DPP10: variants seen among roughly 807,000 people sequenced by gnomAD.
The protein encoded by DPP10 is inactive dipeptidyl peptidase 10.
Under a neutral mutation model 120.9 loss-of-function variants are expected in DPP10, and 33 were observed. The observed-to-expected ratio is 0.27, with a 90% CI of 0.21 to 0.37. DPP10 has a LOEUF of 0.37. Among genes scored for constraint, DPP10 ranks in the 10% least tolerant of loss-of-function variants. The pLI, the probability that DPP10 is intolerant of heterozygous loss-of-function variation, is 1.00. For synonymous variants in DPP10, 337 were observed against 326.1 expected (o/e 1.03, Z -0.36); for missense variants, 816 against 942.8 (o/e 0.87, Z 1.76).
At chr2:114,528,540 T>G (rs1177072712) in intron 1 of DPP10, among the ~76,000 whole-genome samples, 5 of 151,946 alleles carry the variant, frequency 3.3e-5, no homozygotes. Flanking sequence ...CTGGGACTCC[T>G]ATAACTGATG....
At chr2:115,820,799 A>ATATGTGTGTGTG (rs1553517950) in intron 21 of DPP10, among the ~76,000 whole-genome samples, 1 of 105,554 alleles carries the variant, frequency 9.5e-6, no homozygotes, top group Admixed American at 8.4e-5. Flanking sequence ...TCCATGGTGT[A>ATATGTGTGTGTG]TGTGTGTGTG....
chr2:114,538,926 C>T (rs1418047591), intron 1 of DPP10, among the ~76,000 whole-genome samples: 2 of 152,068 alleles, frequency 1.3e-5, no homozygotes, highest in Non-Finnish European at 2.9e-5. Context: ...CTCATAGCCC[C>T]TTGATCAGAT....
chr2:114,889,781 A>G (rs1308801561), intron 1 of DPP10, among the ~76,000 whole-genome samples: 4 of 152,212 alleles, frequency 2.6e-5, no homozygotes, highest in South Asian at 2.1e-4. Flanking sequence ...TAGAAATTTG[A>G]CAGATGATTG....
At chr2:115,389,053 C>T (rs2067148182) in intron 3 of DPP10, among the ~76,000 whole-genome samples, 7 of 152,180 alleles carry the variant, frequency 4.6e-5, no homozygotes, top group Admixed American at 4.6e-4. Context: ...TTTACCAAAT[C>T]ATATGACTGA....
intron 5 of DPP10, among the ~76,000 whole-genome samples, chr2:115,571,733 T>C (rs1338704294): frequency 2.6e-5 from 4 of 151,522 alleles, no homozygotes; most frequent in African/African-American, 9.7e-5. Flanking sequence ...ATATGTGCCA[T>C]TATGGAAAAC....
intron 1 of DPP10, chr2:115,233,887 G>C: frequency 2.0e-6 from 1 of 509,836 alleles, no homozygotes; most frequent in Non-Finnish European, 3.9e-6. Flanking sequence ...CTGCTCACCT[G>C]TCTCTCCCTT....
At chr2:114,707,189 A>T (rs1288941171) in intron 1 of DPP10, 1 of 152,170 alleles carries the variant, frequency 6.6e-6, no homozygotes, top group Non-Finnish European at 1.5e-5. Flanking sequence ...GTTGACCTTC[A>T]CAAGACGAAC....
intron 1 of DPP10, among the ~76,000 whole-genome samples, chr2:114,495,096 T>A (rs1420650314): frequency 6.6e-6 from 1 of 152,148 alleles, no homozygotes; most frequent in Non-Finnish European, 1.5e-5. Flanking sequence ...AAAGTTACAG[T>A]TTTATTTGCT....
rs200742972 is a variant in DPP10, at chr2:115,798,347, A to G, written c.1700+6991A>G. 2.0e-5 allele frequency among the ~76,000 whole-genome samples: 3 copies of G among 152,200 alleles called. No individual in the cohort carries two copies. The East Asian group carries it at 5.8e-4, about 29-fold the overall frequency. On this transcript the variant is annotated intron_variant, in intron 19 of 25. Coordinates refer to ENST00000410059, the MANE Select transcript of DPP10 (RefSeq NM_020868.6). ...AGATTAACTATATTATTAGTTTAAC[A>G]TGACTTTGAAAGGTGAAGTTAAAAA...
intron 1 of DPP10, among the ~76,000 whole-genome samples, chr2:114,980,164 G>C (rs1360052290): frequency 6.6e-6 from 1 of 152,006 alleles, no homozygotes; most frequent in Non-Finnish European, 1.5e-5. Flanking sequence ...ATAATGTTTT[G>C]ATATGTATAT....
chr2:115,105,122 A>G (rs1380512649), intron 1 of DPP10, among the ~76,000 whole-genome samples: 1 of 152,208 alleles, frequency 6.6e-6, no homozygotes, highest in Non-Finnish European at 1.5e-5. Flanking sequence ...TTTATACTTT[A>G]CCGTTTGTCT....
At chr2:114,689,332 G>A (rs561721875) in intron 1 of DPP10, among the ~76,000 whole-genome samples, 48 of 151,862 alleles carry the variant, frequency 3.2e-4, no homozygotes, top group Middle Eastern at 3.4e-3. Flanking sequence ...AGCATGTGGC[G>A]TTTGGTTTCC....
chr2:115,329,188 C>T (rs1021703158), intron 2 of DPP10, among the ~76,000 whole-genome samples: 1 of 151,940 alleles, frequency 6.6e-6, no homozygotes, highest in Non-Finnish European at 1.5e-5. Flanking sequence ...GTCAGCTGTC[C>T]TCCTCATTCT....
chr2:115,440,093 C>A (rs183973066), intron 3 of DPP10, among the ~76,000 whole-genome samples: 1 of 151,440 alleles, frequency 6.6e-6, no homozygotes, highest in Non-Finnish European at 1.5e-5. Context: ...TAGTATGATG[C>A]CTATGAGAAA....
Position 115,017,220 on chromosome 2 carries a change from T to TA in DPP10, c.61-292012dup, listed in dbSNP as rs1320940995. Among the ~76,000 whole-genome samples, 37 of 147,328 alleles carry TA rather than the reference T, an allele frequency of 2.5e-4. No individual in the cohort carries two copies. The East Asian group carries it at 6.4e-3, about 25-fold the overall frequency. ...CTTCAAGTATAATAATAATAAAATT[T>TA]AAAAAAATTAAAAAAAAAGAAAGAA... On this transcript the variant is annotated intron_variant, in intron 1 of 25. Coordinates refer to ENST00000410059, the MANE Select transcript of DPP10 (RefSeq NM_020868.6).
At chr2:115,407,166 T>C (rs777417067) in intron 3 of DPP10, among the ~76,000 whole-genome samples, 1 of 152,172 alleles carries the variant, frequency 6.6e-6, no homozygotes, top group Non-Finnish European at 1.5e-5. Context: ...GCCTCTACCC[T>C]GTCTCTGCAG....
At chr2:115,407,887 AT>A (rs551224825) in intron 3 of DPP10, among the ~76,000 whole-genome samples, 1 of 151,368 alleles carries the variant, frequency 6.6e-6, no homozygotes, top group African/African-American at 2.4e-5. Flanking sequence ...AAAAGTAGTC[AT>A]TTTTTTTCAA....
chr2:115,285,916 A>G (rs1055648285), intron 1 of DPP10, among the ~76,000 whole-genome samples: 1 of 152,050 alleles, frequency 6.6e-6, no homozygotes, highest in Admixed American at 6.6e-5. Flanking sequence ...TGTTTCTTCA[A>G]TGCCTCTTTC....
At chr2:115,392,494 G>T (rs541716387) in intron 3 of DPP10, among the ~76,000 whole-genome samples, 1 of 151,788 alleles carries the variant, frequency 6.6e-6, no homozygotes, top group Non-Finnish European at 1.5e-5. Context: ...TCATTAAAAC[G>T]TGTATACATA....
Sources: allele counts gnomAD v4.1 joint callset (sites outside exome capture counted in the v4.1 genomes callset), GRCh38; gene constraint gnomAD v4.1.1; transcripts MANE v1.5; gene names NCBI Gene and HGNC (gene_info 2026-07-23, HGNC 2026-07-21).